The following ADGRL2 variants were observed in gnomAD, a reference collection of about 807,000 sequenced individuals.
ADGRL2 encodes the protein calcium-independent alpha-latrotoxin receptor 2.
ADGRL2 carries 44 observed loss-of-function variants against 157.4 expected under a neutral mutation model. The ratio of observed to expected loss-of-function variants is 0.28; its 90% confidence interval spans 0.22 to 0.36. The LOEUF (loss-of-function observed/expected upper bound fraction) is 0.36. Ranked by LOEUF, ADGRL2 falls within the 10% of genes least tolerant of loss-of-function variation. The probability of loss-of-function intolerance (pLI) is 1.00; values close to 1 mark genes in which losing one functional copy is unlikely to be tolerated. For synonymous variants in ADGRL2, 585 were observed against 624.7 expected (o/e 0.94, Z 0.95); for missense variants, 1,510 against 1,768.9 (o/e 0.85, Z 2.63).
intron 1 of ADGRL2, among the ~76,000 whole-genome samples, chr1:81,402,661 T>C (rs1158410922): frequency 6.6e-6 from 1 of 152,238 alleles, no homozygotes; most frequent in East Asian, 1.9e-4. Context: ...TTCTCTTAAG[T>C]TGACCTTGTT....
At chr1:81,723,690 C>T (rs2084414736) in intron 1 of ADGRL2, among the ~76,000 whole-genome samples, 1 of 152,182 alleles carries the variant, frequency 6.6e-6, no homozygotes, top group African/African-American at 2.4e-5. Context: ...ATAAAACTAA[C>T]TGGGACCACC....
chr1:81,444,921 T>C (rs12118727), intron 1 of ADGRL2: 2 of 152,054 alleles, frequency 1.3e-5, no homozygotes, highest in South Asian at 4.1e-4. Flanking sequence ...ATCATTTGAA[T>C]CTAATAAAAA....
intron 3 of ADGRL2, among the ~76,000 whole-genome samples, chr1:81,632,389 G>C (rs1277817273): frequency 6.6e-6 from 1 of 152,164 alleles, no homozygotes; most frequent in African/African-American, 2.4e-5. Flanking sequence ...CACACATCTG[G>C]AAGGAAGAAA....
chr1:81,810,332 A>G lies in ADGRL2; in HGVS notation c.-101+9264A>G, dbSNP rs1162676993. On this transcript the variant is annotated intron_variant, in intron 1 of 23. Transcript: ENST00000686636. ...TTTTCAGCTTCAATTTACATAACAA[A>G]TAATCATGTTTAAAATGAGTTTCCC... Among the ~76,000 whole-genome samples the G allele has an allele frequency of 2.3e-4, 3 of 12,882 alleles. No individual in the cohort carries two copies. The East Asian group carries it at 7.2e-3, about 31-fold the overall frequency. The allele number at this position is 12,882 out of a possible 152,430, so 8.5% of individuals were successfully genotyped here. A position where few individuals can be genotyped will look rare whatever the true frequency, so the allele number is the denominator to read the frequency against.
chr1:81,988,949 C>A (rs775503017), intron 23 of ADGRL2, among the ~76,000 whole-genome samples: 2 of 151,750 alleles, frequency 1.3e-5, no homozygotes, highest in African/African-American at 4.8e-5. Context: ...AACATCATTT[C>A]ATTCTTTTTT....
At chr1:81,596,100 A>G (rs1235745566) in intron 3 of ADGRL2, 5 of 270,260 alleles carry the variant, frequency 1.9e-5, no homozygotes, top group African/African-American at 1.3e-4. Flanking sequence ...GGGAACTAGG[A>G]TCTTTTTTTT....
chr1:81,990,996 C>T lies in ADGRL2; in HGVS notation c.4261C>T (p.Pro1421Ser), dbSNP rs778837358. Residue 1421 changes from proline (P) to serine (S), a missense_variant, in exon 24 of 24, where the codon CCA becomes TCA. Pro to Ser is a moderately conservative substitution (Grantham distance 74). Around this residue, in one of 4 missense-constraint regions of ADGRL2, gnomAD observed 327 missense variants for 310.1 expected, o/e 1.05. Coordinates refer to ENST00000686636, the MANE Select transcript of ADGRL2 (RefSeq NM_001366006.2). ...ENEDIYYKSM[P>S]NLGAGHQLQM... ...TGAGGACATTTACTATAAAAGCATG[C>T]CAAATCTTGGAGCTGGCCATCAGCT... 6.2e-7 allele frequency: 1 copy of T among 1,614,016 alleles called. No individual in the cohort carries two copies. Among genetic ancestry groups the T allele is most frequent in the Non-Finnish European group, 8.5e-7 (1 of 1,180,002 alleles).
intron 1 of ADGRL2, among the ~76,000 whole-genome samples, chr1:81,436,215 G>A (rs532166534): frequency 1.2e-3 from 189 of 152,282 alleles, no homozygotes; most frequent in Middle Eastern, 6.8e-3. Flanking sequence ...AAACACCAAA[G>A]AAGCACAGGG....
chr1:81,778,232 G>A (rs2086669820), intron 2 of ADGRL2, among the ~76,000 whole-genome samples: 1 of 151,650 alleles, frequency 6.6e-6, no homozygotes, highest in Admixed American at 6.6e-5. Flanking sequence ...CTGAGCAGGA[G>A]AATGGCGTGA....
At chr1:81,979,056 A>G (rs1025681786) in intron 17 of ADGRL2, among the ~76,000 whole-genome samples, 2 of 151,756 alleles carry the variant, frequency 1.3e-5, no homozygotes, top group East Asian at 1.9e-4. Context: ...GTCTGTAGAA[A>G]CAAATGCAAA....
intron 1 of ADGRL2, among the ~76,000 whole-genome samples, chr1:81,385,201 A>G (rs1418092408): frequency 6.6e-6 from 1 of 152,152 alleles, no homozygotes; most frequent in Non-Finnish European, 1.5e-5. Flanking sequence ...TGATGATCCT[A>G]TAAATTTATT....
intron 18 of ADGRL2, among the ~76,000 whole-genome samples, chr1:81,980,277 TAA>T (rs1368932441): frequency 3.3e-5 from 5 of 151,798 alleles, no homozygotes; most frequent in Admixed American, 2.0e-4. Flanking sequence ...ATGATTATAT[TAA>T]GTTTGTTTTG....
intron 3 of ADGRL2, among the ~76,000 whole-genome samples, chr1:81,935,673 C>A (rs948797172): frequency 6.6e-6 from 1 of 151,824 alleles, no homozygotes; most frequent in African/African-American, 2.4e-5. Context: ...TGTTCTTGTT[C>A]TGCTTGATTT....
At chr1:81,852,257 G>A (rs780137101) in intron 2 of ADGRL2, among the ~76,000 whole-genome samples, 3 of 152,068 alleles carry the variant, frequency 2.0e-5, no homozygotes, top group Admixed American at 1.3e-4. Context: ...AAAAATGAAA[G>A]TTTGGTACCA....
At chr1:81,651,719 T>TTTTG (rs936180306) in intron 3 of ADGRL2, among the ~76,000 whole-genome samples, 8 of 152,064 alleles carry the variant, frequency 5.3e-5, no homozygotes, top group East Asian at 1.9e-4. Context: ...AACCAGGAGA[T>TTTTG]TTTGTTTGTT....
chr1:81,968,115 G>A lies in ADGRL2; in HGVS notation c.2439G>A (p.Leu813=). The change falls in exon 14 of 24, where the codon CTG becomes CTA. Residue 813 remains leucine, a synonymous_variant. Coordinates refer to ENST00000686636, the MANE Select transcript of ADGRL2 (RefSeq NM_001366006.2). ...MGYWSTQGCK[L]VDTNKTRTTC... The stretch of plus-strand genomic sequence containing the variant: ...ATTGGTCTACCCAGGGCTGCAAGCT[G>A]GTTGACACTAATAAAACTCGAACAA... 2 of 1,613,172 alleles carry A rather than the reference G, an allele frequency of 1.2e-6. No individual in the cohort carries two copies. The highest frequency in any genetic ancestry group is 1.7e-6 in the Non-Finnish European group (2 of 1,179,732).
Position 81,987,117 on chromosome 1 carries a change from CAT to C in ADGRL2, c.3637+93_3637+94del. On this transcript the variant is annotated intron_variant, in intron 22 of 23. Coordinates refer to ENST00000686636, the MANE Select transcript of ADGRL2 (RefSeq NM_001366006.2). The stretch of plus-strand genomic sequence containing the variant: ...CCTGTTTCTAAAATATTCAAGTTGT[CAT>C]ATATTTATTGTTACATTCTTAATTT... 2.7e-6 allele frequency: 4 copies of C among 1,475,178 alleles called. No individual in the cohort carries two copies. The Admixed American group carries it at 8.8e-5, about 32-fold the overall frequency. 91.4% of individuals were successfully genotyped at this position (1,475,178 alleles called of 1,614,324 possible).
intron 1 of ADGRL2, among the ~76,000 whole-genome samples, chr1:81,417,262 A>G (rs937440135): frequency 6.6e-6 from 1 of 152,176 alleles, no homozygotes; most frequent in South Asian, 2.1e-4. Flanking sequence ...TCACATTTTA[A>G]TCATAAGAAA....
intron 1 of ADGRL2, among the ~76,000 whole-genome samples, chr1:81,410,002 A>G (rs1428262351): frequency 6.6e-6 from 1 of 152,214 alleles, no homozygotes; most frequent in Admixed American, 6.5e-5. Context: ...CCAGAGAAAC[A>G]ATAAGTTAGT....
Sources: allele counts gnomAD v4.1 joint callset (sites outside exome capture counted in the v4.1 genomes callset), GRCh38; gene constraint gnomAD v4.1.1; regional missense constraint gnomAD v4.1.1; transcripts MANE v1.5; gene names NCBI Gene and HGNC (gene_info 2026-07-23, HGNC 2026-07-21).